FRMD5: variants seen among roughly 807,000 people sequenced by gnomAD.
The protein encoded by FRMD5 is FERM domain-containing protein 5.
Under a neutral mutation model 69.0 loss-of-function variants are expected in FRMD5, and 20 were observed. That is an observed-to-expected ratio of 0.29 (90% CI 0.20 to 0.42). The LOEUF (loss-of-function observed/expected upper bound fraction) is 0.42. Ranked by LOEUF, FRMD5 falls within the 10% of genes least tolerant of loss-of-function variation. The pLI, the probability that FRMD5 is intolerant of heterozygous loss-of-function variation, is 1.00. For missense variants in FRMD5, 595 were observed against 708.6 expected, an observed-to-expected ratio of 0.84 and a Z score of 1.82; for synonymous variants, 271 against 260.1, an observed-to-expected ratio of 1.04 and a Z score of -0.40.
chr15:43,919,634 C>T, intron 3 of FRMD5, 97 bp from the exon 4 acceptor site: 1 of 1,452,894 alleles, frequency 6.9e-7, no homozygotes, highest in Non-Finnish European at 9.7e-7. Context: ...AGAGAACCCT[C>T]ATATATTTAG....
intron 1 of FRMD5, among the ~76,000 whole-genome samples, chr15:44,150,968 TG>T (rs1049881067): frequency 6.6e-6 from 1 of 152,116 alleles, no homozygotes; most frequent in Non-Finnish European, 1.5e-5. Context: ...GGTATGCACC[TG>T]TAGTCTCAGC....
chr15:43,976,666 T>C (rs1017934307), intron 1 of FRMD5, among the ~76,000 whole-genome samples: 1 of 152,100 alleles, frequency 6.6e-6, no homozygotes, highest in African/African-American at 2.4e-5. Flanking sequence ...TATACTAAAG[T>C]TTCTTTTTTT....
chr15:43,978,748 C>T (rs1329694324), intron 1 of FRMD5, among the ~76,000 whole-genome samples: 2 of 152,084 alleles, frequency 1.3e-5, no homozygotes, highest in Non-Finnish European at 2.9e-5. Flanking sequence ...GACAGGGTTT[C>T]ACCATTTTGG....
At chr15:44,023,504 G>T (rs1207804899) in intron 1 of FRMD5, among the ~76,000 whole-genome samples, 1 of 152,126 alleles carries the variant, frequency 6.6e-6, no homozygotes, top group Non-Finnish European at 1.5e-5. Flanking sequence ...TTCTTTGTGG[G>T]AAAGAGCCTG....
chr15:44,094,678 T>A (rs1002561686), intron 1 of FRMD5, among the ~76,000 whole-genome samples: 15 of 152,218 alleles, frequency 9.9e-5, no homozygotes, highest in Admixed American at 5.9e-4. Flanking sequence ...TGTGTCATAA[T>A]GTAAACCCAA....
At chr15:43,968,091 G>A (rs2140566052) in intron 1 of FRMD5, among the ~76,000 whole-genome samples, 1 of 150,714 alleles carries the variant, frequency 6.6e-6, no homozygotes, top group South Asian at 2.1e-4. Context: ...ATCATTTTTA[G>A]TTTTTTCATG....
intron 1 of FRMD5, among the ~76,000 whole-genome samples, chr15:44,066,114 ACTGTCTACCCCATGTTTTC>A (rs1893299218): frequency 6.6e-6 from 1 of 152,146 alleles, no homozygotes; most frequent in African/African-American, 2.4e-5. Context: ...TTCACCTCCC[ACTGTCTACCCCATGTTTTC>A]TGCTTTATCT....
At chr15:44,015,863 T>C (rs1484427236) in intron 1 of FRMD5, among the ~76,000 whole-genome samples, 1 of 151,998 alleles carries the variant, frequency 6.6e-6, no homozygotes, top group Non-Finnish European at 1.5e-5. Context: ...TTTCCTTTAC[T>C]GCAGAATTAT....
In FRMD5 at chr15:43,925,022, T is replaced by C. The variant is rs535076619; in HGVS notation, c.103-713A>G. ...TATATCCTTTTTTTTTTTTTTTTTT[T>C]GAGATGGAGTCTCGTTCTGTCTCCC... On this transcript the variant is annotated intron_variant, in intron 1 of 13. Coordinates refer to ENST00000417257, the MANE Select transcript of FRMD5 (RefSeq NM_032892.5). Among the ~76,000 whole-genome samples the C allele has an allele frequency of 1.8e-4, 27 of 150,206 alleles. No homozygotes were observed. The South Asian group carries it at 5.8e-3, about 32-fold the overall frequency.
At chr15:43,960,235 C>T (rs1013349049) in intron 1 of FRMD5, among the ~76,000 whole-genome samples, 2 of 151,810 alleles carry the variant, frequency 1.3e-5, no homozygotes, top group Admixed American at 1.3e-4. Flanking sequence ...ACTACAGGCG[C>T]CCACCACCAC....
chr15:44,070,824 A>G (rs1893509593), intron 1 of FRMD5, among the ~76,000 whole-genome samples: 1 of 152,210 alleles, frequency 6.6e-6, no homozygotes, highest in South Asian at 2.1e-4. Flanking sequence ...ATCCATTCCA[A>G]TGTTAGGCAG....
intron 1 of FRMD5, among the ~76,000 whole-genome samples, chr15:43,996,785 TCTG>T (rs967403884): frequency 6.0e-5 from 9 of 150,670 alleles, no homozygotes; most frequent in African/African-American, 2.2e-4. Flanking sequence ...CTCAAAGTGT[TCTG>T]CATGTTGAAA....
chr15:43,961,230 C>T (rs536575768), intron 1 of FRMD5, among the ~76,000 whole-genome samples: 5 of 152,192 alleles, frequency 3.3e-5, no homozygotes, highest in African/African-American at 9.6e-5. Context: ...ATATCACCAC[C>T]GATCTCACAG....
chr15:44,011,551 C>T (rs573030436), intron 1 of FRMD5, among the ~76,000 whole-genome samples: 23 of 152,152 alleles, frequency 1.5e-4, no homozygotes, highest in Non-Finnish European at 2.4e-4. Flanking sequence ...TGGAAATGTG[C>T]GACTGAAGCC....
chr15:44,142,189 T>C (rs1409550452), intron 1 of FRMD5, among the ~76,000 whole-genome samples: 2 of 152,202 alleles, frequency 1.3e-5, no homozygotes, highest in Non-Finnish European at 2.9e-5. Context: ...TCCTCTTAAT[T>C]AATACTGATC....
intron 1 of FRMD5, among the ~76,000 whole-genome samples, chr15:43,946,213 G>A (rs954187613): frequency 2.0e-5 from 3 of 152,152 alleles, no homozygotes; most frequent in African/African-American, 7.2e-5. Context: ...ATCTGCAGCT[G>A]TATCTATTTC....
Position 43,873,824 on chromosome 15 carries a change from G to C in FRMD5, c.*61C>G. 6.3e-7 allele frequency: 1 copy of C among 1,591,458 alleles called. No homozygotes were observed. The highest frequency in any genetic ancestry group is 8.6e-7 in the Non-Finnish European group (1 of 1,168,098). ...TGGTTCCGCGATGGGTCCCATTGCTGGGAATGGGTAGCCGGGTTCCTTGGT... is the reference window on the plus strand; with the variant it reads ...TGGTTCCGCGATGGGTCCCATTGCTCGGAATGGGTAGCCGGGTTCCTTGGT... On this transcript the variant is annotated 3_prime_UTR_variant, in exon 14 of 14. Transcript: ENST00000417257.
chr15:44,189,076 GGATCTCTTTAGAGAACTT>G (rs761722697), intron 1 of FRMD5, among the ~76,000 whole-genome samples: 4 of 152,152 alleles, frequency 2.6e-5, no homozygotes, highest in Non-Finnish European at 5.9e-5. Context: ...TGGCACGGAA[GGATCTCTTTAGAGAACTT>G]GATTCACACA....
chr15:44,165,590 C>T (rs1455561045), intron 1 of FRMD5, among the ~76,000 whole-genome samples: 1 of 152,154 alleles, frequency 6.6e-6, no homozygotes, highest in African/African-American at 2.4e-5. Flanking sequence ...AGTCCCAGCA[C>T]TTCGGGAGGC....
Sources: allele counts gnomAD v4.1 joint callset (sites outside exome capture counted in the v4.1 genomes callset), GRCh38; gene constraint gnomAD v4.1.1; transcripts MANE v1.5; gene names NCBI Gene and HGNC (gene_info 2026-07-23, HGNC 2026-07-21).